The following NR3C1 variants were observed in gnomAD, a reference collection of about 807,000 sequenced individuals.
NR3C1 encodes nuclear receptor subfamily 3 group C member 1.
A neutral mutation model predicts 74.0 loss-of-function variants in NR3C1; 14 were observed. That is an observed-to-expected ratio of 0.19 (90% confidence interval 0.12 to 0.30). The LOEUF (loss-of-function observed/expected upper bound fraction) is 0.30. NR3C1 is among the 10% of genes least tolerant of loss of function. NR3C1 has a pLI of 1.00. For missense variants in NR3C1, 695 were observed against 909.8 expected (o/e 0.76, Z 3.04); for synonymous variants, 308 against 332.5 (o/e 0.93, Z 0.80).
upstream of NR3C1, chr5:143,403,891 C>T (rs1840831074): frequency 7.1e-6 from 7 of 980,842 alleles, no homozygotes; most frequent in South Asian, 4.7e-5. Context: ...CGCCCGCGTC[C>T]CCTGGCGTGG....
upstream of NR3C1, chr5:143,405,308 G>A: frequency 1.0e-6 from 1 of 985,642 alleles, no homozygotes; most frequent in Non-Finnish European, 1.2e-6. Flanking sequence ...TCCTGCTCGG[G>A]CGCTCGGCCA....
At chr5:143,359,429 G>A (rs1210141910) in intron 2 of NR3C1, among the ~76,000 whole-genome samples, 1 of 151,930 alleles carries the variant, frequency 6.6e-6, no homozygotes, top group Non-Finnish European at 1.5e-5. Flanking sequence ...TTATTGTCTT[G>A]GACTCTTCCT....
Position 143,305,345 on chromosome 5 carries a change from A to G in NR3C1, c.1469-4582T>C, listed in dbSNP as rs185269622. Reference sequence around the variant, plus strand: ...GTGGAAAGAAGTTTGGAGATTCTTCAAAGAATTAAGAGTTTAACTACCATT... The same window carrying G: ...GTGGAAAGAAGTTTGGAGATTCTTCGAAGAATTAAGAGTTTAACTACCATT... On this transcript the variant is annotated intron_variant, in intron 4 of 8. Coordinates refer to ENST00000394464, the MANE Select transcript of NR3C1 (RefSeq NM_000176.3). Among the ~76,000 whole-genome samples, 558 of 152,330 alleles carry G rather than the reference A, an allele frequency of 3.7e-3. 5 individuals carry two copies. The highest frequency in any genetic ancestry group is 0.013 in the African/African-American group (535 of 41,578).
intron 2 of NR3C1, among the ~76,000 whole-genome samples, chr5:143,335,906 G>A (rs954085784): frequency 1.3e-5 from 2 of 152,202 alleles, no homozygotes; most frequent in African/African-American, 4.8e-5. Flanking sequence ...TTTATCACAT[G>A]GATCCTTAAA....
rs1179697284 is a variant in NR3C1 at position 143,400,460 on chromosome 5, G to A, written c.380C>T (p.Ala127Val). 1.9e-6 allele frequency: 3 copies of A among 1,614,208 alleles called. No individual in the cohort carries two copies. The South Asian group carries it at 3.3e-5, about 18-fold the overall frequency. The change falls in exon 2 of 9, where the codon GCA (alanine) becomes GTA (valine). Residue 127 changes from alanine (A) to valine (V), a missense_variant. Ala to Val is a moderately conservative substitution (Grantham distance 64). This residue lies in a region of NR3C1 where 497 missense variants were observed against 489.5 expected (regional missense o/e 1.02). Coordinates refer to ENST00000394464, the MANE Select transcript of NR3C1 (RefSeq NM_000176.3). The stretch of plus-strand genomic sequence containing the variant: ...AACACTGGTCGACCTATTGAGGTTT[G>A]CAATGCTTTCTTCCAAAAGCTTTAA... ...TDLKLLEESI[A>V]NLNRSTSVPE... is the part of the protein sequence containing the mutation.
At chr5:143,419,668 C>G (rs549872405) in intron 1 of NR3C1, among the ~76,000 whole-genome samples, 14 of 152,084 alleles carry the variant, frequency 9.2e-5, no homozygotes, top group African/African-American at 3.1e-4. Flanking sequence ...AGAGATCACG[C>G]GCTTCACAAG....
intron 1 of NR3C1, chr5:143,402,679 G>A: frequency 1.0e-6 from 1 of 985,436 alleles, no homozygotes; most frequent in Middle Eastern, 5.2e-4. Flanking sequence ...GTTGCGGGCT[G>A]TCAGCCCCCC....
At chr5:143,294,067 ACTT>A in intron 7 of NR3C1, 1 of 984,586 alleles carries the variant, frequency 1.0e-6, no homozygotes, top group Non-Finnish European at 1.2e-6. Context: ...TATTATTAAT[ACTT>A]CTTATATCCA....
chr5:143,294,188 G>A (rs1816610781), intron 7 of NR3C1: 1 of 984,754 alleles, frequency 1.0e-6, no homozygotes, highest in Non-Finnish European at 1.2e-6. Context: ...TAAAATCACA[G>A]TCTTGTGCAA....
rs1371239628 is a variant in NR3C1 at position 143,426,009 on chromosome 5, T to C, written c.-14+8523A>G. On this transcript the variant is annotated intron_variant, in intron 1 of 8. Transcript: ENST00000343796. ...TGAGTGGATAAACAAATATGGTAGATTCAGAGGACAAAATGTTATTCAGCC... is the reference window on the plus strand; with the variant it reads ...TGAGTGGATAAACAAATATGGTAGACTCAGAGGACAAAATGTTATTCAGCC... Among the ~76,000 whole-genome samples the C allele has an allele frequency of 2.6e-5, 4 of 152,188 alleles. No homozygotes were observed. In the South Asian group the frequency reaches 8.3e-4, roughly 31 times the overall value.
upstream of NR3C1, chr5:143,403,865 C>T (rs1157904215): frequency 1.2e-5 from 12 of 976,550 alleles, no homozygotes; most frequent in Non-Finnish European, 1.5e-5. Context: ...CCACCCCGGC[C>T]CCGACGGCGC....
intron 4 of NR3C1, among the ~76,000 whole-genome samples, chr5:143,302,869 A>C (rs1599783793): frequency 6.6e-6 from 1 of 152,198 alleles, no homozygotes; most frequent in Middle Eastern, 3.4e-3. Context: ...GACCCATTGG[A>C]GCATATAGTT....
intron 7 of NR3C1, among the ~76,000 whole-genome samples, chr5:143,286,737 T>C (rs1197887361): frequency 1.3e-5 from 2 of 151,806 alleles, no homozygotes; most frequent in African/African-American, 2.4e-5. Flanking sequence ...TACAGAAAAC[T>C]TGAATTAGTC....
intron 7 of NR3C1, chr5:143,293,899 G>A (rs1380230611): frequency 7.3e-6 from 7 of 962,852 alleles, no homozygotes; most frequent in Non-Finnish European, 8.6e-6. Context: ...AAAGTTGTTA[G>A]TATCCAGGCA....
At chr5:143,351,480 G>A (rs1018060016) in intron 2 of NR3C1, among the ~76,000 whole-genome samples, 1 of 152,080 alleles carries the variant, frequency 6.6e-6, no homozygotes, top group African/African-American at 2.4e-5. Context: ...CTCTTTTGTT[G>A]AGGAAAAAAA....
At chr5:143,391,511 A>G (rs1838215398) in intron 2 of NR3C1, among the ~76,000 whole-genome samples, 1 of 152,232 alleles carries the variant, frequency 6.6e-6, no homozygotes. Flanking sequence ...ATCTTTGCAT[A>G]CTTGATTATA....
upstream of NR3C1, among the ~76,000 whole-genome samples, chr5:143,406,127 ATT>A (rs1841095196): frequency 6.6e-6 from 1 of 151,100 alleles, no homozygotes; most frequent in Non-Finnish European, 1.5e-5. Flanking sequence ...ACACATATAT[ATT>A]ATATACATAT....
intron 2 of NR3C1, among the ~76,000 whole-genome samples, chr5:143,360,130 G>T (rs1411489053): frequency 6.6e-6 from 1 of 152,104 alleles, no homozygotes; most frequent in African/African-American, 2.4e-5. Flanking sequence ...TTGGCACACA[G>T]AAAAGCTACT....
chr5:143,379,403 T>G (rs1835784668), intron 2 of NR3C1, among the ~76,000 whole-genome samples: 1 of 152,136 alleles, frequency 6.6e-6, no homozygotes, highest in Non-Finnish European at 1.5e-5. Context: ...GTCTCTAAAT[T>G]CCAAGATTTT....
Sources: allele counts gnomAD v4.1 joint callset (sites outside exome capture counted in the v4.1 genomes callset), GRCh38; gene constraint gnomAD v4.1.1; regional missense constraint gnomAD v4.1.1; transcripts MANE v1.5; gene names NCBI Gene and HGNC (gene_info 2026-07-23, HGNC 2026-07-21).